The following GPHN variants were observed in gnomAD, a reference collection of about 807,000 sequenced individuals.
The protein encoded by GPHN is gephyrin.
Under a neutral mutation model 95.5 loss-of-function variants are expected in GPHN, and 17 were observed. The ratio of observed to expected loss-of-function variants is 0.18; its 90% CI spans 0.12 to 0.27. The LOEUF (loss-of-function observed/expected upper bound fraction) is 0.27. Among genes scored for constraint, GPHN ranks in the 10% least tolerant of loss-of-function variants. The pLI, the probability that GPHN is intolerant of heterozygous loss-of-function variation, is 1.00. For missense variants in GPHN, 660 were observed against 978.1 expected, an observed-to-expected ratio of 0.67 and a Z score of 4.34; for synonymous variants, 320 against 322.5, an observed-to-expected ratio of 0.99 and a Z score of 0.08.
chr14:67,395,327 C>A, the GPHN span: 1 of 1,369,034 alleles, frequency 7.3e-7, no homozygotes, highest in South Asian at 1.3e-5. Flanking sequence ...AGAGCCCCCC[C>A]AAGGGGCAGG....
intron 2 of GPHN, among the ~76,000 whole-genome samples, chr14:66,764,349 A>T (rs2058879430): frequency 6.6e-6 from 1 of 152,152 alleles, no homozygotes; most frequent in African/African-American, 2.4e-5. Context: ...TTCTGAAACC[A>T]GTCCCTCAAG....
At chr14:67,535,762 C>T in the GPHN span, among the ~76,000 whole-genome samples, 2 of 152,180 alleles carry the variant, frequency 1.3e-5, no homozygotes, top group South Asian at 2.1e-4. Context: ...ACAACAATAA[C>T]AGTCATTTAT....
At chr14:66,890,366 T>C (rs934454381) in intron 5 of GPHN, among the ~76,000 whole-genome samples, 7 of 140,744 alleles carry the variant, frequency 5.0e-5, no homozygotes, top group African/African-American at 1.9e-4. Context: ...GCCCTGATCA[T>C]GCGCACTGCG....
the GPHN span, chr14:67,323,830 T>C: frequency 3.1e-6 from 4 of 1,292,404 alleles, no homozygotes; most frequent in Non-Finnish European, 4.4e-6. Context: ...TTTCACACTA[T>C]TGTACTATTC....
chr14:67,379,423 ATTTC>A, the GPHN span, among the ~76,000 whole-genome samples: 1 of 151,812 alleles, frequency 6.6e-6, no homozygotes, highest in African/African-American at 2.4e-5. Context: ...AACCATTTGT[ATTTC>A]TTCTGTGAAA....
the GPHN span, among the ~76,000 whole-genome samples, chr14:67,717,066 G>A: frequency 1.3e-5 from 2 of 151,348 alleles, no homozygotes; most frequent in Non-Finnish European, 2.9e-5. Flanking sequence ...TACAGACATC[G>A]GTACCCTTCC....
intron 1 of GPHN, among the ~76,000 whole-genome samples, chr14:66,582,491 A>G (rs918331449): frequency 6.6e-6 from 1 of 151,808 alleles, no homozygotes; most frequent in Non-Finnish European, 1.5e-5. Context: ...CCATTAACTC[A>G]TCATTTAGCA....
At chr14:67,094,284 A>G (rs1336192240) in intron 12 of GPHN, among the ~76,000 whole-genome samples, 1 of 152,170 alleles carries the variant, frequency 6.6e-6, no homozygotes, top group Non-Finnish European at 1.5e-5. Flanking sequence ...GGTGAACAGA[A>G]CTAAAAGTGT....
chr14:67,131,515 A>T (rs1803727467), intron 17 of GPHN, among the ~76,000 whole-genome samples: 1 of 152,184 alleles, frequency 6.6e-6, no homozygotes, highest in South Asian at 2.1e-4. Flanking sequence ...AAGTAAGTCC[A>T]AAAGCCTTGA....
At chr14:67,375,753 C>G in the GPHN span, among the ~76,000 whole-genome samples, 1 of 152,170 alleles carries the variant, frequency 6.6e-6, no homozygotes, top group African/African-American at 2.4e-5. Flanking sequence ...AGTCTCTAAA[C>G]TAGCAGCATT....
the GPHN span, among the ~76,000 whole-genome samples, chr14:67,439,577 C>CTTTATTTT: frequency 9.4e-5 from 10 of 106,018 alleles, no homozygotes; most frequent in African/African-American, 6.7e-4. Flanking sequence ...TTCTTTCTTT[C>CTTTATTTT]TTTCTTTCTT....
At chr14:66,552,273 A>G (rs778694159) in intron 1 of GPHN, among the ~76,000 whole-genome samples, 14 of 152,210 alleles carry the variant, frequency 9.2e-5, no homozygotes, top group Non-Finnish European at 1.9e-4. Flanking sequence ...CACTGTTCCC[A>G]TCTCATTTTC....
chr14:66,591,342 A>T (rs1430448830), intron 1 of GPHN, among the ~76,000 whole-genome samples: 1 of 152,184 alleles, frequency 6.6e-6, no homozygotes, highest in African/African-American at 2.4e-5. Context: ...AGGGTATTCA[A>T]ATAGGAATAG....
chr14:67,605,276 T>G, the GPHN span, among the ~76,000 whole-genome samples: 2 of 152,230 alleles, frequency 1.3e-5, no homozygotes. Flanking sequence ...ACATCTTTCA[T>G]TAGACCTCAT....
intron 6 of GPHN, among the ~76,000 whole-genome samples, chr14:66,918,886 C>T (rs963865745): frequency 2.6e-5 from 4 of 151,768 alleles, no homozygotes; most frequent in African/African-American, 7.2e-5. Flanking sequence ...ACATCTTTCC[C>T]GATATTATGT....
At chr14:67,631,288 T>C in the GPHN span, among the ~76,000 whole-genome samples, 1 of 152,320 alleles carries the variant, frequency 6.6e-6, no homozygotes, top group South Asian at 2.1e-4. Context: ...ATTGCTGCAG[T>C]ATCTGACCTA....
At chr14:67,367,758 C>T in the GPHN span, among the ~76,000 whole-genome samples, 1 of 151,782 alleles carries the variant, frequency 6.6e-6, no homozygotes, top group Non-Finnish European at 1.5e-5. Context: ...ATGGTTTGAG[C>T]CCAGGAGGCG....
the GPHN span, chr14:67,577,388 C>T: frequency 6.3e-7 from 1 of 1,586,896 alleles, no homozygotes; most frequent in Non-Finnish European, 8.6e-7. Context: ...TGAGGCCTTG[C>T]AGACGGAGGC....
the GPHN span, among the ~76,000 whole-genome samples, chr14:67,329,749 G>C: frequency 1.3e-5 from 2 of 152,002 alleles, no homozygotes; most frequent in Non-Finnish European, 2.9e-5. Context: ...AGGCATGGTG[G>C]TGCACGCCTG....
Sources: gnomAD v4.1 joint callset for allele counts (sites outside exome capture counted in the v4.1 genomes callset) on GRCh38, gnomAD v4.1.1 for gene constraint, MANE v1.5 for transcripts, NCBI Gene and HGNC (gene_info 2026-07-23, HGNC 2026-07-21) for gene names.